Variants in CNTNAP2 observed in about 807,000 individuals in gnomAD.
CNTNAP2 encodes the protein contactin-associated protein-like 2.
In CNTNAP2, 98 loss-of-function variants were observed where a neutral mutation model predicts 155.2. The observed-to-expected ratio is 0.63, with a 90% CI of 0.54 to 0.75. CNTNAP2 has a LOEUF of 0.75. Ranked by LOEUF, CNTNAP2 falls within the 30% of genes least tolerant of loss-of-function variation. The pLI, the probability that CNTNAP2 is intolerant of heterozygous loss-of-function variation, is 0.00. For synonymous variants in CNTNAP2, 651 were observed against 631.2 expected, an observed-to-expected ratio of 1.03 and a Z score of -0.47; for missense variants, 1,727 against 1,688.1, an observed-to-expected ratio of 1.02 and a Z score of -0.40.
Position 147,385,165 on chromosome 7 carries a change from T to A in CNTNAP2, c.1499-10444T>A, listed in dbSNP as rs116198810. Among the ~76,000 whole-genome samples the A allele has an allele frequency of 8.9e-3, 1,356 of 152,270 alleles. 23 individuals carry two copies. The highest frequency in any genetic ancestry group is 0.031 in the African/African-American group (1,300 of 41,552). On this transcript the variant is annotated intron_variant, in intron 9 of 23. Coordinates refer to ENST00000361727, the MANE Select transcript of CNTNAP2 (RefSeq NM_014141.6). ...GGAAAGACCCATGCCCAAGATTCAA[T>A]TACCTCCCACCAGATTCCTTCCCTG...
At chr7:146,800,911 G>C (rs944442162) in intron 2 of CNTNAP2, among the ~76,000 whole-genome samples, 3 of 152,036 alleles carry the variant, frequency 2.0e-5, no homozygotes, top group East Asian at 1.9e-4. Flanking sequence ...TGTGGGAAAA[G>C]TATAAAGTAC....
chr7:146,311,067 G>A (rs1053861825), intron 1 of CNTNAP2, among the ~76,000 whole-genome samples: 2 of 151,806 alleles, frequency 1.3e-5, no homozygotes, highest in Non-Finnish European at 2.9e-5. Flanking sequence ...CATTGTTCTT[G>A]AGGAAGTTAA....
chr7:148,320,225 T>C (rs1797765542), intron 21 of CNTNAP2, among the ~76,000 whole-genome samples: 1 of 152,126 alleles, frequency 6.6e-6, no homozygotes, highest in South Asian at 2.1e-4. Context: ...TAGGAGGCTA[T>C]AGTCAGATCT....
chr7:148,195,190 T>G (rs1335164734), intron 18 of CNTNAP2, among the ~76,000 whole-genome samples: 3 of 152,334 alleles, frequency 2.0e-5, no homozygotes, highest in Middle Eastern at 3.4e-3. Flanking sequence ...GATTGCACAT[T>G]CCTTCTGGGC....
At chr7:147,150,484 T>C (rs759051541) in intron 8 of CNTNAP2, among the ~76,000 whole-genome samples, 1 of 152,118 alleles carries the variant, frequency 6.6e-6, no homozygotes, top group South Asian at 2.1e-4. Flanking sequence ...AGCAGGCAAC[T>C]ACATAATAGG....
At chr7:148,220,172 G>C (rs1030715227) in intron 19 of CNTNAP2, among the ~76,000 whole-genome samples, 1 of 152,254 alleles carries the variant, frequency 6.6e-6, no homozygotes, top group Non-Finnish European at 1.5e-5. Context: ...GCATGATCTC[G>C]GCTCACTGCA....
chr7:147,110,646 T>C (rs1800856285), intron 5 of CNTNAP2, among the ~76,000 whole-genome samples: 1 of 152,150 alleles, frequency 6.6e-6, no homozygotes, highest in Non-Finnish European at 1.5e-5. Context: ...TGTTCCTGCA[T>C]TAGTTTGCTG....
chr7:148,060,415 A>G (rs1803107697), intron 15 of CNTNAP2, among the ~76,000 whole-genome samples: 1 of 152,192 alleles, frequency 6.6e-6, no homozygotes, highest in South Asian at 2.1e-4. Flanking sequence ...GATCAATTCT[A>G]ATAGAACAGA....
At chr7:148,174,946 C>T (rs919198544) in intron 18 of CNTNAP2, among the ~76,000 whole-genome samples, 1 of 152,100 alleles carries the variant, frequency 6.6e-6, no homozygotes, top group Non-Finnish European at 1.5e-5. Context: ...TGTGATGTTC[C>T]CCTCCCTGTG....
chr7:146,748,149 T>C (rs948932663), intron 1 of CNTNAP2, among the ~76,000 whole-genome samples: 6 of 142,932 alleles, frequency 4.2e-5, no homozygotes, highest in East Asian at 2.0e-4. Context: ...TTTTCTTTTT[T>C]TTTTTTTTTT....
At chr7:147,463,057 G>A (rs775526970) in intron 10 of CNTNAP2, among the ~76,000 whole-genome samples, 11 of 152,298 alleles carry the variant, frequency 7.2e-5, no homozygotes, top group Non-Finnish European at 1.3e-4. Flanking sequence ...AAGAGTAAGC[G>A]TGTAAGTCAC....
At chr7:147,346,766 C>G (rs1795870797) in intron 9 of CNTNAP2, among the ~76,000 whole-genome samples, 2 of 152,190 alleles carry the variant, frequency 1.3e-5, no homozygotes, top group Non-Finnish European at 2.9e-5. Context: ...TTTCAACCTT[C>G]AAAGAGTGGA....
At chr7:146,985,672 C>T (rs1389045466) in intron 3 of CNTNAP2, among the ~76,000 whole-genome samples, 1 of 152,110 alleles carries the variant, frequency 6.6e-6, no homozygotes, top group East Asian at 1.9e-4. Flanking sequence ...TTCAAACAAT[C>T]ATATTCAGTA....
intron 8 of CNTNAP2, among the ~76,000 whole-genome samples, chr7:147,231,383 T>C (rs1324874235): frequency 6.6e-6 from 1 of 152,252 alleles, no homozygotes; most frequent in Admixed American, 6.5e-5. Flanking sequence ...GTGAATAATG[T>C]GGCAATAGAC....
At position 146,148,877 on chromosome 7, in the gene CNTNAP2, A is replaced by G. The variant is rs149574379; in HGVS notation, c.97+31904A>G. Among the ~76,000 whole-genome samples the G allele has an allele frequency of 6.4e-3, 982 of 152,256 alleles. 6 individuals carry two copies. The highest frequency in any genetic ancestry group is 9.7e-3 in the South Asian group (47 of 4,822). On this transcript the variant is annotated intron_variant, in intron 1 of 23. Transcript: ENST00000361727. ...ACTCAAAATTGTGTCCATGTTTTCTACAAATAATCTTCACCCTCTCTGCCT... is the reference window on the plus strand; with the variant it reads ...ACTCAAAATTGTGTCCATGTTTTCTGCAAATAATCTTCACCCTCTCTGCCT...
At chr7:147,737,597 C>A (rs936163301) in intron 13 of CNTNAP2, among the ~76,000 whole-genome samples, 17 of 152,334 alleles carry the variant, frequency 1.1e-4, no homozygotes, top group Admixed American at 1.0e-3. Flanking sequence ...TTTTGTTCGG[C>A]TATGCCCTGC....
At chr7:146,633,620 T>C (rs1455234150) in intron 1 of CNTNAP2, among the ~76,000 whole-genome samples, 5 of 151,688 alleles carry the variant, frequency 3.3e-5, no homozygotes, top group Non-Finnish European at 7.4e-5. Flanking sequence ...ATATAAAATA[T>C]TGAGTTAAAA....
intron 1 of CNTNAP2, among the ~76,000 whole-genome samples, chr7:146,193,450 A>G (rs2116855598): frequency 6.6e-6 from 1 of 152,298 alleles, no homozygotes; most frequent in African/African-American, 2.4e-5. Flanking sequence ...CCGTGCATTC[A>G]CAGGTTCAGT....
chr7:146,280,281 T>A (rs1186919607), intron 1 of CNTNAP2, among the ~76,000 whole-genome samples: 1 of 152,222 alleles, frequency 6.6e-6, no homozygotes, highest in African/African-American at 2.4e-5. Context: ...GAAGTGATAA[T>A]TGTTGTCTTT....
Sources: gnomAD v4.1 joint callset for allele counts (sites outside exome capture counted in the v4.1 genomes callset) on GRCh38, gnomAD v4.1.1 for gene constraint, MANE v1.5 for transcripts, NCBI Gene and HGNC (gene_info 2026-07-23, HGNC 2026-07-21) for gene names.